PRKDC: variants seen among roughly 807,000 people sequenced by gnomAD.
The protein encoded by PRKDC is protein kinase, DNA-activated, catalytic subunit.
Under a neutral mutation model 486.9 loss-of-function variants are expected in PRKDC, and 82 were observed. That is an observed-to-expected ratio of 0.17 (90% CI 0.14 to 0.20). The LOEUF (loss-of-function observed/expected upper bound fraction) is 0.20. Ranked by LOEUF, PRKDC falls within the 10% of genes least tolerant of loss-of-function variation. The pLI, the probability that PRKDC is intolerant of heterozygous loss-of-function variation, is 1.00. For missense variants in PRKDC, 4,504 were observed against 5,038.2 expected (o/e 0.89, Z 3.21); for synonymous variants, 1,895 against 1,837.0 (o/e 1.03, Z -0.81).
In PRKDC at chr8:47,957,445, TAAGTA is replaced by T; in HGVS notation, c.155-19_155-15del. On this transcript the variant is annotated splice_polypyrimidine_tract_variant and intron_variant, in intron 1 of 85. Transcript: ENST00000314191. ...ATGTCTGTAATGCTGTTCAAAAAAA[TAAGTA>T]AACAAGTTAAGAGAGTGCCAAGAGC... 1 of 1,561,050 alleles carries T rather than the reference TAAGTA, an allele frequency of 6.4e-7. No homozygotes were observed. The highest frequency in any genetic ancestry group is 8.7e-7 in the Non-Finnish European group (1 of 1,150,474).
At chr8:47,783,697 A>G (rs2086738926) in intron 78 of PRKDC, 45 bp downstream of exon 78, 3 of 1,592,828 alleles carry the variant, frequency 1.9e-6, no homozygotes, top group Non-Finnish European at 1.7e-6. Flanking sequence ...TCATCTGAAG[A>G]ACGTTCATCA....
chr8:47,803,658 G>A lies in PRKDC; in HGVS notation c.9748-178C>T, dbSNP rs2087156897. On this transcript the variant is annotated intron_variant, in intron 69 of 85. Coordinates refer to ENST00000314191, the MANE Select transcript of PRKDC (RefSeq NM_006904.7). ...CTGGGATATAATTCATATTTAAAGA[G>A]TACAATTCAGGCCAGGTTTAGTGGC... Among the ~76,000 whole-genome samples, 3 of 152,130 alleles carry A rather than the reference G, an allele frequency of 2.0e-5. No individual in the cohort carries two copies. In the South Asian group the frequency reaches 6.2e-4, roughly 32 times the overall value.
At chr8:47,795,488 CTTTTTT>C (rs79687127) in intron 73 of PRKDC, among the ~76,000 whole-genome samples, 1 of 135,670 alleles carries the variant, frequency 7.4e-6, no homozygotes, top group African/African-American at 2.7e-5. Context: ...CGCACCCGGC[CTTTTTT>C]TTTTTTTTTT....
chr8:47,959,743 A>AG (rs1472832966), intron 1 of PRKDC, among the ~76,000 whole-genome samples: 6 of 152,124 alleles, frequency 3.9e-5, no homozygotes, highest in Non-Finnish European at 8.8e-5. Flanking sequence ...TTGCCATATT[A>AG]GGGGTCGTTT....
At chr8:47,827,045 T>C (rs956283207) in intron 62 of PRKDC, among the ~76,000 whole-genome samples, 184 bp from the exon 63 acceptor site, 3 of 151,416 alleles carry the variant, frequency 2.0e-5, no homozygotes, top group African/African-American at 2.4e-5. Flanking sequence ...AAGGAGGAAA[T>C]GACCTTTTAA....
Position 47,930,596 on chromosome 8 carries a change from A to G in PRKDC, c.1892+76T>C, listed in dbSNP as rs1020472969. 12 of 1,387,834 alleles carry G rather than the reference A, an allele frequency of 8.6e-6. No homozygotes were observed. In the South Asian group the frequency reaches 1.6e-4, roughly 18 times the overall value. The allele number at this position is 1,387,834 out of a possible 1,614,324, so 86.0% of individuals were successfully genotyped here. ...CTATTATTTCATTTCTTACATCTAT[A>G]TAAGGAATTTCCTATATTACAGCCA... On this transcript the variant is annotated intron_variant, in intron 17 of 85. Transcript: ENST00000314191.
intron 52 of PRKDC, among the ~76,000 whole-genome samples, 187 bp downstream of exon 52, chr8:47,852,486 T>C (rs1004780535): frequency 4.6e-5 from 7 of 152,370 alleles, no homozygotes; most frequent in African/African-American, 1.7e-4. Context: ...TTAAAAATCA[T>C]GTGCCCTCTC....
intron 68 of PRKDC, among the ~76,000 whole-genome samples, chr8:47,812,791 G>GT: frequency 6.6e-6 from 1 of 151,948 alleles, no homozygotes; most frequent in African/African-American, 2.4e-5. Flanking sequence ...AATTAACAAA[G>GT]TAAAAAACTG....
chr8:47,815,711 T>C (rs1250545934), intron 68 of PRKDC, among the ~76,000 whole-genome samples: 2 of 152,290 alleles, frequency 1.3e-5, no homozygotes, highest in East Asian at 3.9e-4. Flanking sequence ...AAATGAATGG[T>C]AGAGTTGGAA....
intron 50 of PRKDC, among the ~76,000 whole-genome samples, 171 bp downstream of exon 50, chr8:47,855,051 G>C (rs8178157): frequency 6.6e-6 from 1 of 152,174 alleles, no homozygotes; most frequent in South Asian, 2.1e-4. Context: ...TGGAGGGTGC[G>C]AGACACGCAT....
chr8:47,909,065 T>C (rs540373825), intron 25 of PRKDC, among the ~76,000 whole-genome samples: 2 of 152,276 alleles, frequency 1.3e-5, no homozygotes, highest in South Asian at 4.1e-4. Flanking sequence ...TATAATCTAA[T>C]TCCTCATCTC....
At position 47,782,416 on chromosome 8, in the gene PRKDC, C is replaced by A; in HGVS notation, c.11358G>T (p.Leu3786=). ...GCACAACGCTATAGGTCCTCAGCTG[C>A]AGGGCCCTCTGGCTGCAGGCGGAGT... The part of the protein sequence containing the change: ...AQDSACSQRA[L]QLRTYSVVPM... Residue 3786 remains leucine (L), a synonymous_variant, in exon 79 of 86, where the codon CTG becomes CTT. Transcript: ENST00000314191. This position sits in a 1 kb window ranked among gnomAD's most constrained non-coding sequence, Gnocchi z 4.9. 1 of 1,603,120 alleles carries A rather than the reference C, an allele frequency of 6.2e-7. No individual in the cohort carries two copies.
intron 60 of PRKDC, among the ~76,000 whole-genome samples, chr8:47,831,435 G>C (rs1341227564): frequency 6.6e-6 from 1 of 152,200 alleles, no homozygotes; most frequent in Non-Finnish European, 1.5e-5. Flanking sequence ...CCACGGGAAG[G>C]CCCTCCTGGC....
At chr8:47,883,804 C>A (rs867710067) in intron 36 of PRKDC, among the ~76,000 whole-genome samples, 6 of 152,340 alleles carry the variant, frequency 3.9e-5, no homozygotes, top group African/African-American at 1.4e-4. Context: ...ACTGAACAGG[C>A]CTTGCCACAG....
At chr8:47,943,610 G>T (rs1368717114) in intron 9 of PRKDC, among the ~76,000 whole-genome samples, 1 of 152,200 alleles carries the variant, frequency 6.6e-6, no homozygotes, top group Non-Finnish European at 1.5e-5. Flanking sequence ...GGCAAAGTCA[G>T]AATCAAACAG....
intron 54 of PRKDC, among the ~76,000 whole-genome samples, chr8:47,848,534 T>C (rs1024093010): frequency 2.0e-5 from 3 of 151,964 alleles, no homozygotes; most frequent in Non-Finnish European, 4.4e-5. Flanking sequence ...TACTAGGTAC[T>C]ATGGTCACTA....
chr8:47,854,640 A>T (rs2088492523), intron 50 of PRKDC, among the ~76,000 whole-genome samples: 1 of 152,214 alleles, frequency 6.6e-6, no homozygotes, highest in African/African-American at 2.4e-5. Flanking sequence ...TGCCCGGCCA[A>T]ATACAGAATT....
chr8:47,856,588 G>A (rs191385875), intron 49 of PRKDC, among the ~76,000 whole-genome samples: 12 of 152,218 alleles, frequency 7.9e-5, no homozygotes, highest in South Asian at 6.2e-4. Context: ...ACATGAAAAC[G>A]TTTGTATGCT....
chr8:47,832,359 G>A (rs1350459146), intron 59 of PRKDC, among the ~76,000 whole-genome samples: 1 of 152,202 alleles, frequency 6.6e-6, no homozygotes, highest in East Asian at 1.9e-4. Context: ...TACCCCACCA[G>A]GAGACACCAG....
Sources: gnomAD v4.1 joint callset for allele counts (sites outside exome capture counted in the v4.1 genomes callset) on GRCh38, gnomAD v4.1.1 for gene constraint, Gnocchi (gnomAD v3.1) non-coding constraint, MANE v1.5 for transcripts, NCBI Gene and HGNC (gene_info 2026-07-23, HGNC 2026-07-21) for gene names.